The following MACROD2 variants were observed in gnomAD, a reference collection of about 807,000 sequenced individuals.
The protein encoded by MACROD2 is ADP-ribose glycohydrolase MACROD2.
In MACROD2, 36 loss-of-function variants were observed where a neutral mutation model predicts 70.4. The observed-to-expected ratio is 0.51, with a 90% CI of 0.39 to 0.68. The LOEUF (loss-of-function observed/expected upper bound fraction) is 0.68, where lower values mean the gene tolerates loss of function less well. Ranked by LOEUF, MACROD2 falls within the 30% of genes least tolerant of loss-of-function variation. The pLI is 0.00. For missense variants in MACROD2, 496 were observed against 538.4 expected, an observed-to-expected ratio of 0.92 and a Z score of 0.78; for synonymous variants, 172 against 178.8, an observed-to-expected ratio of 0.96 and a Z score of 0.30.
intron 5 of MACROD2, among the ~76,000 whole-genome samples, chr20:15,017,559 G>A (rs991549958): frequency 6.6e-6 from 1 of 152,210 alleles, no homozygotes; most frequent in African/African-American, 2.4e-5. Context: ...TACCCCAGTA[G>A]GGACTGTGTG....
intron 12 of MACROD2, among the ~76,000 whole-genome samples, chr20:15,948,556 A>G (rs995152540): frequency 1.6e-4 from 24 of 152,228 alleles, no homozygotes; most frequent in African/African-American, 5.3e-4. Flanking sequence ...AAATTTTCCC[A>G]AAACTTTCAC....
intron 5 of MACROD2, among the ~76,000 whole-genome samples, chr20:14,851,883 C>T (rs1468100169): frequency 1.3e-5 from 2 of 152,138 alleles, no homozygotes; most frequent in African/African-American, 4.8e-5. Flanking sequence ...GTATACCAGC[C>T]ATCCCACAGA....
At position 15,276,220 on chromosome 20, in the gene MACROD2, G is replaced by C. The variant is rs533654248; in HGVS notation, c.540+46159G>C. On this transcript the variant is annotated intron_variant, in intron 6 of 17. Transcript: ENST00000684519. The stretch of plus-strand genomic sequence containing the variant: ...TCGAGACCATCCTGGCTAACACGGT[G>C]AAACCCCATCTCTACTAAAAATACA... Among the ~76,000 whole-genome samples, 306 of 152,164 alleles carry C rather than the reference G, an allele frequency of 2.0e-3. 1 individual carries two copies. The highest frequency in any genetic ancestry group is 3.4e-3 in the Middle Eastern group (1 of 294).
intron 4 of MACROD2, among the ~76,000 whole-genome samples, chr20:14,574,403 C>T (rs1370881553): frequency 6.6e-6 from 1 of 151,778 alleles, no homozygotes; most frequent in African/African-American, 2.4e-5. Flanking sequence ...ATTCATTCAT[C>T]TAATATATGC....
rs183524451 is a variant in MACROD2 at position 14,075,001 on chromosome 20, A to T, written c.164-10620A>T. The stretch of plus-strand genomic sequence containing the variant: ...CATTAAGTCACTTTGTAGTCATCTC[A>T]GTTATCACATTCACTGTCTGTGTAT... On this transcript the variant is annotated intron_variant, in intron 2 of 17. Coordinates refer to ENST00000684519, the MANE Select transcript of MACROD2 (RefSeq NM_001351661.2). Among the ~76,000 whole-genome samples the T allele has an allele frequency of 7.9e-5, 12 of 152,254 alleles. No individual in the cohort carries two copies. The East Asian group carries it at 2.1e-3, about 27-fold the overall frequency.
intron 8 of MACROD2, among the ~76,000 whole-genome samples, chr20:15,504,294 G>A (rs2047398909): frequency 6.6e-6 from 1 of 152,110 alleles, no homozygotes; most frequent in Admixed American, 6.5e-5. Context: ...CCGAGGGGAG[G>A]AACGCTGCTG....
At chr20:14,583,988 T>G (rs1163412013) in intron 4 of MACROD2, among the ~76,000 whole-genome samples, 1 of 152,152 alleles carries the variant, frequency 6.6e-6, no homozygotes, top group African/African-American at 2.4e-5. Flanking sequence ...TGCCCTACTG[T>G]TCTGCTCCTC....
At chr20:15,612,846 G>A (rs1348460835) in intron 8 of MACROD2, among the ~76,000 whole-genome samples, 1 of 152,200 alleles carries the variant, frequency 6.6e-6, no homozygotes, top group Non-Finnish European at 1.5e-5. Flanking sequence ...AGCTTCTTTT[G>A]AGAGAAGTGT....
In MACROD2 at chr20:15,006,258, A is replaced by T. The variant is rs540340148; in HGVS notation, c.419-223682A>T. 2.0e-5 allele frequency among the ~76,000 whole-genome samples: 3 copies of T among 152,060 alleles called. No individual in the cohort carries two copies. In the South Asian group the frequency reaches 6.2e-4, roughly 32 times the overall value. On this transcript the variant is annotated intron_variant, in intron 5 of 17. Coordinates refer to ENST00000684519, the MANE Select transcript of MACROD2 (RefSeq NM_001351661.2). The stretch of plus-strand genomic sequence containing the variant: ...ATGCTAAGTGAAATAAGCCAGACAA[A>T]GAAAAATAGATCCATGACCTCACTT...
chr20:14,903,382 C>T (rs747852524), intron 5 of MACROD2, among the ~76,000 whole-genome samples: 2 of 152,054 alleles, frequency 1.3e-5, no homozygotes, highest in African/African-American at 4.8e-5. Context: ...CAGGAACAGA[C>T]AACAGATGAT....
intron 8 of MACROD2, among the ~76,000 whole-genome samples, chr20:15,796,387 A>C (rs971932398): frequency 1.3e-5 from 2 of 152,182 alleles, no homozygotes; most frequent in Admixed American, 6.5e-5. Flanking sequence ...CACACACACA[A>C]ATTTTAGAAG....
Position 15,137,685 on chromosome 20 carries a change from T to A in MACROD2, c.419-92255T>A, listed in dbSNP as rs139569502. On this transcript the variant is annotated intron_variant, in intron 5 of 17. Transcript: ENST00000684519. ...GTAACTAACCTGCACTTTGTGCACA[T>A]GTACCCTAAAACTTAAAGTATAATA... 3.9e-3 allele frequency among the ~76,000 whole-genome samples: 590 copies of A among 151,952 alleles called. 6 individuals carry two copies. The highest frequency in any genetic ancestry group is 0.013 in the African/African-American group (542 of 41,434).
At position 14,000,887 on chromosome 20, in the gene MACROD2, G is replaced by A. The variant is rs147293888; in HGVS notation, c.47-1401G>A. On this transcript the variant is annotated intron_variant, in intron 1 of 17. Coordinates refer to ENST00000684519, the MANE Select transcript of MACROD2 (RefSeq NM_001351661.2). ...CAGTTTTGTTTTACTTTTGTTTCCG[G>A]CTACTTTTCACTTCTGTGGCCATTC... 4.4e-3 allele frequency among the ~76,000 whole-genome samples: 668 copies of A among 152,254 alleles called. 4 individuals are homozygous for A. The highest frequency in any genetic ancestry group is 0.015 in the African/African-American group (636 of 41,556).
At chr20:14,727,210 A>G (rs1308458689) in intron 5 of MACROD2, among the ~76,000 whole-genome samples, 1 of 152,120 alleles carries the variant, frequency 6.6e-6, no homozygotes, top group East Asian at 1.9e-4. Flanking sequence ...AGTACTTTGT[A>G]CTTTGGAAAG....
chr20:14,415,028 A>G (rs1026641738), intron 3 of MACROD2, among the ~76,000 whole-genome samples: 1 of 151,842 alleles, frequency 6.6e-6, no homozygotes, highest in African/African-American at 2.4e-5. Context: ...TCTTTCTACT[A>G]GGGAATATAT....
chr20:15,011,832 G>A (rs1371119761), intron 5 of MACROD2, among the ~76,000 whole-genome samples: 3 of 152,156 alleles, frequency 2.0e-5, no homozygotes, highest in Non-Finnish European at 4.4e-5. Flanking sequence ...GGGAGCCTCA[G>A]GGCTTTTTGT....
intron 8 of MACROD2, among the ~76,000 whole-genome samples, chr20:15,850,752 C>T (rs2064288198): frequency 6.6e-6 from 1 of 152,130 alleles, no homozygotes; most frequent in Non-Finnish European, 1.5e-5. Context: ...TGAACAGAGT[C>T]CACAGAGAAC....
chr20:14,102,949 A>C (rs918963041), intron 3 of MACROD2, among the ~76,000 whole-genome samples: 2 of 152,122 alleles, frequency 1.3e-5, no homozygotes, highest in Admixed American at 6.6e-5. Context: ...TAGACAGAAA[A>C]CAGCATTTCT....
chr20:15,231,057 T>C (rs973528668), intron 6 of MACROD2, among the ~76,000 whole-genome samples: 3 of 152,146 alleles, frequency 2.0e-5, no homozygotes, highest in African/African-American at 7.2e-5. Flanking sequence ...TACATTTAGG[T>C]AACCCTGGAT....
Sources: gnomAD v4.1 joint callset for allele counts (sites outside exome capture counted in the v4.1 genomes callset) on GRCh38, gnomAD v4.1.1 for gene constraint, MANE v1.5 for transcripts, NCBI Gene and HGNC (gene_info 2026-07-23, HGNC 2026-07-21) for gene names.